The following ATP6V1E2 variants were observed in gnomAD, a reference collection of about 807,000 sequenced individuals.
ATP6V1E2 encodes the protein ATPase H+ transporting V1 subunit E2.
For missense variants in ATP6V1E2, 308 were observed against 273.3 expected, an observed-to-expected ratio of 1.13 and a Z score of -0.90; for synonymous variants, 121 against 104.2, an observed-to-expected ratio of 1.16 and a Z score of -0.98.
At chr2:46,520,246 C>T (rs1666542623) in intron 4 of ATP6V1E2, among the ~76,000 whole-genome samples, 1 of 152,210 alleles carries the variant, frequency 6.6e-6, no homozygotes, top group Non-Finnish European at 1.5e-5. Flanking sequence ...AAAGCGTGTG[C>T]CCATGTAATG....
chr2:46,517,853 TAAC>T (rs1256687554), intron 4 of ATP6V1E2, among the ~76,000 whole-genome samples: 3 of 152,072 alleles, frequency 2.0e-5, no homozygotes, highest in African/African-American at 7.2e-5. Context: ...AAAAAGAAAA[TAAC>T]AAGTGTTGGC....
chr2:46,519,841 T>C (rs920691200), intron 4 of ATP6V1E2: 1 of 152,238 alleles, frequency 6.6e-6, no homozygotes, highest in Non-Finnish European at 1.5e-5. Flanking sequence ...TTGTTCTGTG[T>C]GTACAGGATA....
intron 4 of ATP6V1E2, among the ~76,000 whole-genome samples, chr2:46,525,072 G>A (rs922430506): frequency 1.3e-5 from 2 of 152,166 alleles, no homozygotes; most frequent in African/African-American, 2.4e-5. Flanking sequence ...AAGGCATCGC[G>A]ATTGGAAGGA....
intron 2 of ATP6V1E2, among the ~76,000 whole-genome samples, chr2:46,540,613 C>CATTTTTTT (rs1667696649): frequency 3.5e-5 from 4 of 115,620 alleles, no homozygotes; most frequent in Non-Finnish European, 5.4e-5. Flanking sequence ...TTTTCTGTAA[C>CATTTTTTT]TTTTTTTTTT....
chr2:46,522,127 AT>A (rs573272670), intron 4 of ATP6V1E2, among the ~76,000 whole-genome samples: 187 of 148,546 alleles, frequency 1.3e-3, no homozygotes, highest in African/African-American at 3.8e-3. Context: ...ATCTCTACAA[AT>A]TTTTTTTTTT....
rs1206645417 is a variant in ATP6V1E2, at chr2:46,512,142, T to C, written c.570A>G (p.Ile190Met). The C allele has an allele frequency of 1.2e-6, 2 of 1,614,098 alleles. No homozygotes were observed. Among genetic ancestry groups the C allele is most frequent in the African/African-American group, 2.7e-5 (2 of 74,930 alleles). ...GVEVYSGNQR[I>M]KVSNTLESRL... is the part of the protein sequence containing the mutation. ...GGCTTTCCAAGGTATTTGAAACCTT[T>C]ATTCTCTGATTGCCACTGTAGACCT... The change falls in exon 5 of 5, where the codon ATA (isoleucine) becomes ATG (methionine). Residue 190 changes from isoleucine (I) to methionine (M), a missense_variant. Transcript: ENST00000522587.
intron 2 of ATP6V1E2, among the ~76,000 whole-genome samples, chr2:46,540,240 G>A (rs1667661060): frequency 2.0e-5 from 3 of 152,060 alleles, no homozygotes; most frequent in South Asian, 4.2e-4. Context: ...TGGGCAACGT[G>A]GCGAAACCCC....
chr2:46,537,075 G>A (rs1667481292), intron 2 of ATP6V1E2, among the ~76,000 whole-genome samples: 1 of 152,170 alleles, frequency 6.6e-6, no homozygotes, highest in African/African-American at 2.4e-5. Context: ...AAGCCACTTT[G>A]CCTGGCCTCT....
intron 4 of ATP6V1E2, among the ~76,000 whole-genome samples, chr2:46,531,868 T>C (rs12465200): frequency 1.3e-5 from 2 of 152,294 alleles, no homozygotes; most frequent in Admixed American, 6.5e-5. Context: ...TTTGCCCCTT[T>C]AAAAAAATAA....
At chr2:46,513,786 C>T (rs114356349) in intron 4 of ATP6V1E2, among the ~76,000 whole-genome samples, 3,439 of 151,634 alleles carry the variant, frequency 0.023, 50 homozygotes, top group Non-Finnish European at 0.035. Context: ...GATCGCGCCA[C>T]TGTACTTGAG....
intron 4 of ATP6V1E2, among the ~76,000 whole-genome samples, chr2:46,520,270 T>A (rs1279186720): frequency 6.6e-6 from 1 of 152,254 alleles, no homozygotes; most frequent in African/African-American, 2.4e-5. Flanking sequence ...CTAGCAGATG[T>A]AACTTCTCGT....
At chr2:46,538,671 T>G (rs1473293672) in intron 2 of ATP6V1E2, among the ~76,000 whole-genome samples, 1 of 152,124 alleles carries the variant, frequency 6.6e-6, no homozygotes, top group African/African-American at 2.4e-5. Flanking sequence ...CTCTCTTTGC[T>G]TCTCTCTGCA....
chr2:46,512,378 A>G lies in ATP6V1E2; in HGVS notation c.334T>C (p.Tyr112His), dbSNP rs1370490683. The change falls in exon 5 of 5, where the codon TAC (tyrosine) becomes CAC (histidine). Residue 112 changes from tyrosine (Y) to histidine (H), a missense_variant. By Grantham distance (83) the Tyr-to-His change is moderately conservative. Coordinates refer to ENST00000522587, the MANE Select transcript of ATP6V1E2 (RefSeq NM_001318063.2). ...ACCAGTTTATCCAGCAGCCCCTGGTAGACCTCTGGGTCCTCCACAATCCTG... is the reference window on the plus strand; with the variant it reads ...ACCAGTTTATCCAGCAGCCCCTGGTGGACCTCTGGGTCCTCCACAATCCTG... ...LSRIVEDPEV[Y>H]QGLLDKLVLQ... is the part of the protein sequence containing the mutation. 6.2e-7 allele frequency: 1 copy of G among 1,614,158 alleles called. No homozygotes were observed. Among genetic ancestry groups the G allele is most frequent in the Non-Finnish European group, 8.5e-7 (1 of 1,180,030 alleles).
chr2:46,532,339 T>C (rs1449019080), intron 4 of ATP6V1E2, among the ~76,000 whole-genome samples: 2 of 151,740 alleles, frequency 1.3e-5, no homozygotes, highest in East Asian at 3.8e-4. Flanking sequence ...TTTTTTTTTT[T>C]TGGTATTCCA....
At chr2:46,541,221 C>T (rs1436971666) in intron 2 of ATP6V1E2, among the ~76,000 whole-genome samples, 169 bp downstream of exon 2, 1 of 152,224 alleles carries the variant, frequency 6.6e-6, no homozygotes, top group Non-Finnish European at 1.5e-5. Flanking sequence ...CAGGAACTGA[C>T]CTTAAGGCAC....
Position 46,527,149 on chromosome 2 carries a change from G to A in ATP6V1E2, c.-102+8664C>T, listed in dbSNP as rs138500457. ...AGCTCACTGCAGCCTCAAACTCCTG[G>A]CTCAAGCAATCTTCCCACTTCAGCC... On this transcript the variant is annotated intron_variant, in intron 4 of 4. Transcript: ENST00000522587. Among the ~76,000 whole-genome samples, 1,128 of 152,178 alleles carry A rather than the reference G, an allele frequency of 7.4e-3. 6 individuals carry two copies. Among genetic ancestry groups the A allele is most frequent in the Admixed American group, 0.012 (179 of 15,280 alleles).
intron 4 of ATP6V1E2, among the ~76,000 whole-genome samples, chr2:46,533,055 T>C (rs1667256947): frequency 6.7e-6 from 1 of 150,296 alleles, no homozygotes; most frequent in Non-Finnish European, 1.5e-5. Flanking sequence ...TGGTCAATTG[T>C]GTTTTTTATT....
In ATP6V1E2 at chr2:46,512,164, A is replaced by G; in HGVS notation, c.548T>C (p.Val183Ala). 1 of 1,614,018 alleles carries G rather than the reference A, an allele frequency of 6.2e-7. No individual in the cohort carries two copies. The highest frequency in any genetic ancestry group is 8.5e-7 in the Non-Finnish European group (1 of 1,179,998). The change falls in exon 5 of 5, where the codon GTC becomes GCC. Residue 183 changes from valine to alanine, a missense_variant. Physicochemically the swap from Val to Ala is moderately conservative, Grantham distance 64. Coordinates refer to ENST00000522587, the MANE Select transcript of ATP6V1E2 (RefSeq NM_001318063.2). ...CTTTATTCTCTGATTGCCACTGTAG[A>G]CCTCCACACCTCCAGCTGCATTCAC... ...LAVNAAGGVE[V>A]YSGNQRIKVS...
At chr2:46,516,901 T>C (rs545502223) in intron 4 of ATP6V1E2, among the ~76,000 whole-genome samples, 3 of 152,176 alleles carry the variant, frequency 2.0e-5, no homozygotes, top group Admixed American at 2.0e-4. Flanking sequence ...AAAATGTCCA[T>C]ACTAACCAAA....
Sources: gnomAD v4.1 joint callset for allele counts (sites outside exome capture counted in the v4.1 genomes callset) on GRCh38, gnomAD v4.1.1 for gene constraint, MANE v1.5 for transcripts, NCBI Gene and HGNC (gene_info 2026-07-23, HGNC 2026-07-21) for gene names.